The following DMD variants were observed in gnomAD, a reference collection of about 807,000 sequenced individuals.
DMD encodes the protein dystrophin, also known as mutant dystrophin.
DMD carries 63 observed loss-of-function variants against 330.1 expected under a neutral mutation model. The ratio of observed to expected loss-of-function variants is 0.19; its 90% confidence interval spans 0.16 to 0.24. DMD has a LOEUF of 0.24. DMD is among the 10% of genes least tolerant of loss of function. The pLI, the probability that DMD is intolerant of heterozygous loss-of-function variation, is 1.00. For missense variants in DMD, 3,344 were observed against 2,684.1 expected (o/e 1.25, Z -5.43); for synonymous variants, 1,223 against 959.8 (o/e 1.27, Z -5.07).
intron 7 of DMD, among the ~76,000 whole-genome samples, chrX:32,704,454 AAAG>A (rs1488446664): frequency 1.8e-5 from 2 of 111,935 alleles, no homozygotes; most frequent in African/African-American, 3.3e-5. Flanking sequence ...TGGGAAATCT[AAAG>A]AAGAGGCTCT....
chrX:31,446,996 C>T (rs150528840), intron 59 of DMD, among the ~76,000 whole-genome samples: 2,073 of 111,470 alleles, frequency 0.019, 27 homozygotes, highest in Non-Finnish European at 0.028. Flanking sequence ...TATCCTACCT[C>T]GTTAAGCCAT....
At chrX:32,916,466 G>C (rs946141915) in intron 2 of DMD, among the ~76,000 whole-genome samples, 1 of 111,570 alleles carries the variant, frequency 9.0e-6, no homozygotes, top group Admixed American at 9.6e-5. Context: ...GCCAATTTAA[G>C]CAACTGTAAT....
intron 55 of DMD, among the ~76,000 whole-genome samples, chrX:31,524,565 T>C (rs1030246898): frequency 1.8e-5 from 2 of 111,862 alleles, no homozygotes; most frequent in Non-Finnish European, 3.8e-5. Context: ...TAAGATTCCA[T>C]GGCTTTGTTT....
chrX:32,854,234 C>CATG (rs1206565274), intron 2 of DMD, among the ~76,000 whole-genome samples: 5 of 111,374 alleles, frequency 4.5e-5, no homozygotes, highest in Non-Finnish European at 9.4e-5. Context: ...CCAACAGCTG[C>CATG]AGAGTGTACA....
At chrX:31,810,685 A>G (rs1440351803) in intron 50 of DMD, among the ~76,000 whole-genome samples, 2 of 112,316 alleles carry the variant, frequency 1.8e-5, no homozygotes, top group Non-Finnish European at 3.8e-5. Flanking sequence ...AACTGCTACA[A>G]TTTCCTTTCG....
At chrX:32,798,086 T>C (rs961235602) in intron 7 of DMD, among the ~76,000 whole-genome samples, 2 of 111,756 alleles carry the variant, frequency 1.8e-5, no homozygotes, top group Admixed American at 9.5e-5. Flanking sequence ...TGGTGACAAA[T>C]CATAGAAGAA....
In DMD at chrX:32,595,802, T is replaced by A; in HGVS notation, c.1557A>T (p.Glu519Asp). The A allele has an allele frequency of 8.3e-7, 1 of 1,208,362 alleles. No homozygotes were observed. Among genetic ancestry groups the A allele is most frequent in the South Asian group, 1.8e-5 (1 of 56,908 alleles). The stretch of plus-strand genomic sequence containing the variant: ...CAGCAGTTGCGTGATCTCCACTAGA[T>A]TCATCAACTACCACCACCATGTGAG... ...SLTHMVVVVDESSGDHATAAL... is the reference protein window; with the variant it reads ...SLTHMVVVVDDSSGDHATAAL... The change falls in exon 13 of 79, where the codon GAA (glutamate) becomes GAT (aspartate). Residue 519 changes from glutamate to aspartate, a missense_variant. Coordinates refer to ENST00000357033, the MANE Select transcript of DMD (RefSeq NM_004006.3).
At chrX:31,342,650 A>T (rs2057836960) in intron 61 of DMD, among the ~76,000 whole-genome samples, 2 of 111,904 alleles carry the variant, frequency 1.8e-5, no homozygotes, top group Admixed American at 9.5e-5. Context: ...TATTAAGAAA[A>T]CCATGGATTC....
In DMD at chrX:31,884,787, A is replaced by G. The variant is rs757323100; in HGVS notation, c.6913-9414T>C. Among the ~76,000 whole-genome samples, 8 of 111,913 alleles carry G rather than the reference A, an allele frequency of 7.1e-5. No homozygotes were observed. In the East Asian group the frequency reaches 2.3e-3, roughly 32 times the overall value. On this transcript the variant is annotated intron_variant, in intron 47 of 78. Transcript: ENST00000357033. ...ACAATAATACAATTTTTATTTGTCA[A>G]TTTTTTAGAAAATTTAAAAATTTAC...
intron 60 of DMD, among the ~76,000 whole-genome samples, chrX:31,388,104 A>G (rs1310830720): frequency 9.5e-6 from 1 of 105,806 alleles, no homozygotes; most frequent in Non-Finnish European, 1.9e-5. Context: ...GGTTCATGCC[A>G]TTCTCCTGCC....
At position 31,264,023 on chromosome X, in the gene DMD, T is replaced by C. The variant is rs150578607; in HGVS notation, c.9225-3007A>G. Among the ~76,000 whole-genome samples, 504 of 112,241 alleles carry C rather than the reference T, an allele frequency of 4.5e-3. 3 individuals carry two copies. Among genetic ancestry groups the C allele is most frequent in the African/African-American group, 0.016 (487 of 30,893 alleles). On this transcript the variant is annotated intron_variant, in intron 62 of 78. Coordinates refer to ENST00000357033, the MANE Select transcript of DMD (RefSeq NM_004006.3). ...CTGGGACACATTTAACCCTCCAAAA[T>C]AGATAGGAACTATGAATATGGACTG...
chrX:32,101,529 T>C (rs1461038230), intron 44 of DMD, among the ~76,000 whole-genome samples: 1 of 112,167 alleles, frequency 8.9e-6, no homozygotes, highest in Non-Finnish European at 1.9e-5. Flanking sequence ...GAATTTCACA[T>C]AAACTATGAA....
intron 1 of DMD, among the ~76,000 whole-genome samples, chrX:33,039,489 T>C (rs1051044739): frequency 4.5e-5 from 5 of 111,183 alleles, no homozygotes; most frequent in Non-Finnish European, 9.4e-5. Context: ...ATTCTGAATA[T>C]ACAAAATGCT....
At chrX:32,896,558 G>C (rs995301860) in intron 2 of DMD, among the ~76,000 whole-genome samples, 11 of 111,834 alleles carry the variant, frequency 9.8e-5, no homozygotes, top group African/African-American at 3.6e-4. Context: ...GGGGTCTAGG[G>C]ATAGAGCTAT....
intron 41 of DMD, among the ~76,000 whole-genome samples, chrX:32,339,443 G>A (rs887079290): frequency 3.6e-5 from 4 of 111,473 alleles, no homozygotes; most frequent in Non-Finnish European, 5.7e-5. Context: ...TTTTACCTGC[G>A]TCCTCCCAGT....
intron 1 of DMD, among the ~76,000 whole-genome samples, chrX:33,153,503 G>A (rs1019916373): frequency 4.4e-5 from 5 of 112,580 alleles, no homozygotes; most frequent in Non-Finnish European, 7.5e-5. Context: ...TTAATGTTAC[G>A]CAATTTTTCA....
At chrX:31,877,667 T>TTGTGTG (rs10670657) in intron 47 of DMD, among the ~76,000 whole-genome samples, 5,637 of 102,257 alleles carry the variant, frequency 0.055, 146 homozygotes, top group African/African-American at 0.084. Context: ...TGCTGAACTC[T>TTGTGTG]TGTGTGTGTG....
chrX:32,783,186 C>A, intron 7 of DMD, among the ~76,000 whole-genome samples: 1 of 89,469 alleles, frequency 1.1e-5, no homozygotes, highest in African/African-American at 3.9e-5. Context: ...CACATATATA[C>A]CATATATGTA....
intron 67 of DMD, among the ~76,000 whole-genome samples, chrX:31,197,692 G>A (rs1401783011): frequency 9.0e-6 from 1 of 111,495 alleles, no homozygotes; most frequent in Non-Finnish European, 1.9e-5. Context: ...TGAATATAAA[G>A]TTGGTATACT....
Sources: allele counts gnomAD v4.1 joint callset (sites outside exome capture counted in the v4.1 genomes callset), GRCh38; gene constraint gnomAD v4.1.1; transcripts MANE v1.5; gene names NCBI Gene and HGNC (gene_info 2026-07-23, HGNC 2026-07-21).